Variants in NFIB observed in about 807,000 individuals in gnomAD.
NFIB encodes the protein nuclear factor 1 B-type.
A neutral mutation model predicts 61.5 loss-of-function variants in NFIB; 11 were observed. The ratio of observed to expected loss-of-function variants is 0.18; its 90% CI spans 0.11 to 0.30. The LOEUF (loss-of-function observed/expected upper bound fraction) is 0.30, where lower values mean the gene tolerates loss of function less well. Ranked by LOEUF, NFIB falls within the 10% of genes least tolerant of loss-of-function variation. The pLI is 1.00. For synonymous variants in NFIB, 260 were observed against 216.5 expected (o/e 1.20, Z -1.76); for missense variants, 471 against 608.9 (o/e 0.77, Z 2.38).
At chr9:14,420,739 C>A in the NFIB span, among the ~76,000 whole-genome samples, 1 of 152,132 alleles carries the variant, frequency 6.6e-6, no homozygotes, top group Non-Finnish European at 1.5e-5. Flanking sequence ...TTGGCCACTT[C>A]ATCATAGCTA....
intron 3 of NFIB, among the ~76,000 whole-genome samples, chr9:14,166,774 T>C (rs1469343580): frequency 6.6e-6 from 1 of 152,142 alleles, no homozygotes; most frequent in Non-Finnish European, 1.5e-5. Flanking sequence ...TATCTTGGGG[T>C]TGTCCTCTAT....
intron 2 of NFIB, among the ~76,000 whole-genome samples, chr9:14,229,901 A>G (rs112023501): frequency 6.6e-6 from 1 of 152,192 alleles, no homozygotes; most frequent in Non-Finnish European, 1.5e-5. Context: ...TCCCGGGTTC[A>G]AGCGCTTCTC....
chr9:14,119,385 A>G (rs2038622023), intron 8 of NFIB, among the ~76,000 whole-genome samples: 1 of 152,214 alleles, frequency 6.6e-6, no homozygotes, highest in African/African-American at 2.4e-5. Flanking sequence ...TCAAACTAAA[A>G]GTAATGATAA....
upstream of NFIB, among the ~76,000 whole-genome samples, chr9:14,316,010 G>A (rs574350333): frequency 2.6e-5 from 4 of 152,134 alleles, 1 homozygote; most frequent in African/African-American, 7.2e-5. Flanking sequence ...CCGCTTCCCA[G>A]CTCGTGATCT....
At chr9:14,389,753 C>A (rs981920802) in intron 1 of NFIB, among the ~76,000 whole-genome samples, 4 of 152,062 alleles carry the variant, frequency 2.6e-5, no homozygotes, top group Non-Finnish European at 5.9e-5. Flanking sequence ...ATTTCCACCC[C>A]CAAAGACTCT....
At chr9:14,527,272 T>A in the NFIB span, among the ~76,000 whole-genome samples, 1 of 152,164 alleles carries the variant, frequency 6.6e-6, no homozygotes, top group Non-Finnish European at 1.5e-5. Flanking sequence ...ATGTTAAAAT[T>A]TTCTTTTTAC....
In NFIB at chr9:14,204,599, G is replaced by A; in HGVS notation, c.563-24819C>T. Reference sequence around the variant, plus strand: ...GAAGAAGCAGAGGCTGTTGGCCCGGGCGGAGAAGAAAGCGCCGGCAAAGGG... The same window carrying A: ...GAAGAAGCAGAGGCTGTTGGCCCGGACGGAGAAGAAAGCGCCGGCAAAGGG... On this transcript the variant is annotated intron_variant, in intron 2 of 10. Coordinates refer to ENST00000380953, the MANE Select transcript of NFIB (RefSeq NM_001190737.2). 4 of 1,041,926 alleles carry A rather than the reference G, an allele frequency of 3.8e-6. No individual in the cohort carries two copies. In the Admixed American group the frequency reaches 5.8e-5, roughly 15 times the overall value. 64.5% of individuals were successfully genotyped at this position (1,041,926 alleles called of 1,614,324 possible). A position where few individuals can be genotyped will look rare whatever the true frequency, so the allele number is the denominator to read the frequency against.
At chr9:14,440,332 G>A in the NFIB span, among the ~76,000 whole-genome samples, 6 of 152,244 alleles carry the variant, frequency 3.9e-5, no homozygotes, top group African/African-American at 7.2e-5. Flanking sequence ...CCTGAAGTGC[G>A]GTCTAATTTT....
chr9:14,415,652 C>T, the NFIB span, among the ~76,000 whole-genome samples: 1 of 152,086 alleles, frequency 6.6e-6, no homozygotes, highest in African/African-American at 2.4e-5. Context: ...AGACATGAAG[C>T]TTAGGGAAGA....
intron 3 of NFIB, among the ~76,000 whole-genome samples, chr9:14,171,842 A>G (rs1271943996): frequency 6.6e-6 from 1 of 152,214 alleles, no homozygotes; most frequent in Non-Finnish European, 1.5e-5. Flanking sequence ...TAGGAGAGAG[A>G]GGTATTTCAA....
At chr9:14,390,985 T>C (rs142430990) in intron 1 of NFIB, among the ~76,000 whole-genome samples, 5 of 152,292 alleles carry the variant, frequency 3.3e-5, no homozygotes, top group African/African-American at 1.2e-4. Flanking sequence ...AATGATTGCA[T>C]ATATAAAGAA....
intron 2 of NFIB, among the ~76,000 whole-genome samples, chr9:14,187,854 C>T (rs1443703849): frequency 6.6e-6 from 1 of 152,120 alleles, no homozygotes; most frequent in Non-Finnish European, 1.5e-5. Context: ...CTAATGAATC[C>T]CCTGCAAATA....
intron 10 of NFIB, among the ~76,000 whole-genome samples, chr9:14,101,739 A>G (rs2035813855): frequency 6.6e-6 from 1 of 152,268 alleles, no homozygotes; most frequent in Admixed American, 6.5e-5. Context: ...TCTAAAGGCA[A>G]TGCATGAAAC....
chr9:14,395,997 T>A (rs1367378737), intron 1 of NFIB, among the ~76,000 whole-genome samples: 2 of 152,084 alleles, frequency 1.3e-5, no homozygotes, highest in Non-Finnish European at 2.9e-5. Context: ...TGTAGCTCCC[T>A]GTTGCCGGCA....
At chr9:14,523,483 A>T in the NFIB span, among the ~76,000 whole-genome samples, 3,527 of 152,148 alleles carry the variant, frequency 0.023, 51 homozygotes, top group Middle Eastern at 0.044. Context: ...CCAAACACTG[A>T]ATGTTAAAAT....
chr9:14,147,966 A>G (rs1174514133), intron 5 of NFIB, among the ~76,000 whole-genome samples: 1 of 152,086 alleles, frequency 6.6e-6, no homozygotes, highest in Non-Finnish European at 1.5e-5. Context: ...TAATATGGAA[A>G]TATGACTCAT....
At chr9:14,515,208 T>G in the NFIB span, among the ~76,000 whole-genome samples, 1 of 151,546 alleles carries the variant, frequency 6.6e-6, no homozygotes, top group African/African-American at 2.4e-5. Flanking sequence ...ATCGCTAAGG[T>G]AGGGACATTG....
At chr9:14,159,049 G>A (rs1663695229) in intron 3 of NFIB, among the ~76,000 whole-genome samples, 2 of 152,182 alleles carry the variant, frequency 1.3e-5, no homozygotes. Flanking sequence ...AGATCCATCT[G>A]CTCCTAAGTC....
chr9:14,150,107 G>C, intron 5 of NFIB, 38 bp downstream of exon 5: 1 of 1,612,306 alleles, frequency 6.2e-7, no homozygotes, highest in Non-Finnish European at 8.5e-7. Context: ...ACCTATGTGT[G>C]TATCACTTGA....
Sources: allele counts gnomAD v4.1 joint callset (sites outside exome capture counted in the v4.1 genomes callset), GRCh38; gene constraint gnomAD v4.1.1; transcripts MANE v1.5; gene names NCBI Gene and HGNC (gene_info 2026-07-23, HGNC 2026-07-21).